The following MAGI3 variants were observed in gnomAD, a reference collection of about 807,000 sequenced individuals.
MAGI3 encodes the protein membrane associated guanylate kinase, WW and PDZ domain containing 3.
MAGI3 carries 43 observed loss-of-function variants against 121.8 expected under a neutral mutation model. The ratio of observed to expected loss-of-function variants is 0.35; its 90% CI spans 0.28 to 0.46. MAGI3 has a LOEUF of 0.46. MAGI3 is among the 20% of genes least tolerant of loss of function. MAGI3 has a pLI of 1.00. For synonymous variants in MAGI3, 553 were observed against 639.3 expected, an observed-to-expected ratio of 0.86 and a Z score of 2.04; for missense variants, 1,547 against 1,797.3, an observed-to-expected ratio of 0.86 and a Z score of 2.52.
At chr1:113,535,038 T>C (rs1328434175) in intron 1 of MAGI3, among the ~76,000 whole-genome samples, 1 of 152,186 alleles carries the variant, frequency 6.6e-6, no homozygotes, top group Non-Finnish European at 1.5e-5. Flanking sequence ...AATTACAGGC[T>C]TAAGTCAACC....
At chr1:113,563,338 C>G (rs116182134) in intron 2 of MAGI3, among the ~76,000 whole-genome samples, 9,241 of 152,254 alleles carry the variant, frequency 0.061, 389 homozygotes, top group Non-Finnish European at 0.097. Context: ...TTTTTGCCTG[C>G]TTGTGATACT....
intron 1 of MAGI3, among the ~76,000 whole-genome samples, chr1:113,540,027 T>C (rs1659210347): frequency 6.6e-6 from 1 of 152,116 alleles, no homozygotes; most frequent in South Asian, 2.1e-4. Context: ...CTCGGACTCC[T>C]GGGCTTAAGC....
intron 16 of MAGI3, among the ~76,000 whole-genome samples, chr1:113,662,718 A>AT (rs1236925910): frequency 1.3e-5 from 2 of 152,088 alleles, no homozygotes; most frequent in Non-Finnish European, 2.9e-5. Context: ...TTTAAAATAC[A>AT]TTTTTTGTTG....
chr1:113,484,305 A>G (rs562059404), intron 1 of MAGI3, among the ~76,000 whole-genome samples: 9 of 152,164 alleles, frequency 5.9e-5, no homozygotes, highest in Admixed American at 3.9e-4. Flanking sequence ...GATTACATGA[A>G]TAAGTTCTTT....
chr1:113,464,908 A>G (rs1020750257), intron 1 of MAGI3, among the ~76,000 whole-genome samples: 1 of 152,152 alleles, frequency 6.6e-6, no homozygotes, highest in African/African-American at 2.4e-5. Context: ...ATCCCTTGTC[A>G]TATGGATAAT....
intron 9 of MAGI3, among the ~76,000 whole-genome samples, chr1:113,627,131 C>T (rs1439134917): frequency 6.6e-6 from 1 of 151,778 alleles, no homozygotes; most frequent in Admixed American, 6.6e-5. Context: ...TGTTTTGTTT[C>T]CATTATTATT....
At chr1:113,663,624 G>A (rs1318130601) in intron 16 of MAGI3, among the ~76,000 whole-genome samples, 1 of 152,010 alleles carries the variant, frequency 6.6e-6, no homozygotes, top group Non-Finnish European at 1.5e-5. Context: ...AGACATTTCA[G>A]TTGTTTCTAC....
chr1:113,484,010 T>A (rs1227317113), intron 1 of MAGI3, among the ~76,000 whole-genome samples: 2 of 152,206 alleles, frequency 1.3e-5, no homozygotes, highest in African/African-American at 2.4e-5. Context: ...AAGTTTAACA[T>A]TGATACAATA....
chr1:113,676,958 A>T (rs1647907561), intron 19 of MAGI3, among the ~76,000 whole-genome samples: 1 of 152,144 alleles, frequency 6.6e-6, no homozygotes, highest in Non-Finnish European at 1.5e-5. Context: ...GTGTGTTTTT[A>T]TTTTTAAGAT....
At chr1:113,477,130 G>A (rs910471280) in intron 1 of MAGI3, among the ~76,000 whole-genome samples, 1 of 151,742 alleles carries the variant, frequency 6.6e-6, no homozygotes, top group African/African-American at 2.4e-5. Context: ...CTTTGCACAT[G>A]AGATGAGTCT....
At chr1:113,417,918 C>A (rs546635877) in intron 1 of MAGI3, among the ~76,000 whole-genome samples, 1 of 152,154 alleles carries the variant, frequency 6.6e-6, no homozygotes, top group Admixed American at 6.5e-5. Flanking sequence ...CTCTTTAAAG[C>A]CTCTTCCTAA....
rs1377374878 is a variant in MAGI3 at position 113,546,539 on chromosome 1, GT to G, written c.317-2974del. 2.0e-5 allele frequency among the ~76,000 whole-genome samples: 3 copies of G among 151,934 alleles called. No individual in the cohort carries two copies. The East Asian group carries it at 5.8e-4, about 30-fold the overall frequency. ...TTTAGTAGAGATGGGGTTTAATCAT[GT>G]TGGCTAGGCTGGTCTCGATCTCCTG... is the stretch of plus-strand genomic sequence containing the variant. On this transcript the variant is annotated intron_variant, in intron 1 of 20. Coordinates refer to ENST00000307546, the MANE Select transcript of MAGI3 (RefSeq NM_001142782.2).
At chr1:113,564,460 A>G (rs1479643353) in intron 2 of MAGI3, among the ~76,000 whole-genome samples, 1 of 152,242 alleles carries the variant, frequency 6.6e-6, no homozygotes. Flanking sequence ...AGAAACTGGC[A>G]AGATAAAATC....
At chr1:113,650,917 A>G in intron 13 of MAGI3, 97 bp from the exon 14 acceptor site, 4 of 1,123,570 alleles carry the variant, frequency 3.6e-6, no homozygotes, top group Non-Finnish European at 5.2e-6. Flanking sequence ...TTGAACTGCA[A>G]AAATCTGTTG....
intron 1 of MAGI3, among the ~76,000 whole-genome samples, chr1:113,547,224 C>CAAA (rs1339582073): frequency 6.6e-6 from 1 of 151,260 alleles, no homozygotes; most frequent in African/African-American, 2.4e-5. Context: ...GATTAAAATG[C>CAAA]AATCTGAGTT....
intron 3 of MAGI3, among the ~76,000 whole-genome samples, chr1:113,583,748 A>AGTTTGCAGAAG (rs922666619): frequency 3.3e-5 from 5 of 152,070 alleles, no homozygotes; most frequent in Non-Finnish European, 7.4e-5. Flanking sequence ...TGAGCTAGAA[A>AGTTTGCAGAAG]GTTTGCAGAA....
rs1648503972 is a variant in MAGI3, at chr1:113,685,648, C to G, written c.*1634C>G. 1 of 152,272 alleles carries G rather than the reference C, an allele frequency of 6.6e-6. No homozygotes were observed. The highest frequency in any genetic ancestry group is 1.5e-5 in the Non-Finnish European group (1 of 68,016). The allele number at this position is 152,272 out of a possible 1,614,324, so 9.4% of individuals were successfully genotyped here. ...CCACAGAAATTATTTATTATTTTCC[C>G]TGTAGTCCACAATTAGTGATAACGA... On this transcript the variant is annotated 3_prime_UTR_variant, in exon 21 of 21. Transcript: ENST00000307546.
chr1:113,505,214 G>A (rs1394693710), intron 1 of MAGI3, among the ~76,000 whole-genome samples: 1 of 152,122 alleles, frequency 6.6e-6, no homozygotes, highest in Non-Finnish European at 1.5e-5. Context: ...TTAAATTTGG[G>A]AGTGAACTAT....
chr1:113,643,565 A>C (rs1652668048), intron 10 of MAGI3, among the ~76,000 whole-genome samples, 178 bp from the exon 11 acceptor site: 1 of 152,232 alleles, frequency 6.6e-6, no homozygotes, highest in Non-Finnish European at 1.5e-5. Context: ...TTGTGCCTTC[A>C]GATTGTTATA....
Sources: gnomAD v4.1 joint callset for allele counts (sites outside exome capture counted in the v4.1 genomes callset) on GRCh38, gnomAD v4.1.1 for gene constraint, MANE v1.5 for transcripts, NCBI Gene and HGNC (gene_info 2026-07-23, HGNC 2026-07-21) for gene names.